Variants in ZNF536 observed in about 807,000 individuals in gnomAD.
The protein encoded by ZNF536 is zinc finger protein 536.
In ZNF536, 13 loss-of-function variants were observed where a neutral mutation model predicts 84.5. That is an observed-to-expected ratio of 0.15 (90% CI 0.10 to 0.24). The LOEUF (loss-of-function observed/expected upper bound fraction) is 0.24. Among genes scored for constraint, ZNF536 ranks in the 10% least tolerant of loss-of-function variants. The probability of loss-of-function intolerance (pLI) is 1.00; values close to 1 mark genes in which losing one functional copy is unlikely to be tolerated. For missense variants in ZNF536, 1,536 were observed against 1,747.5 expected (o/e 0.88, Z 2.16); for synonymous variants, 811 against 742.5 (o/e 1.09, Z -1.50).
chr19:30,439,108 A>C (rs771793473), intron 1 of ZNF536, among the ~76,000 whole-genome samples: 2 of 152,118 alleles, frequency 1.3e-5, no homozygotes, highest in African/African-American at 2.4e-5. Context: ...ACATTTCTAG[A>C]GGGCTATCAG....
At chr19:30,691,522 G>A (rs1354258039) in intron 1 of ZNF536, among the ~76,000 whole-genome samples, 2 of 152,158 alleles carry the variant, frequency 1.3e-5, no homozygotes, top group African/African-American at 4.8e-5. Flanking sequence ...TGTAATTTGG[G>A]AAGGTTGTAT....
chr19:30,709,474 G>T (rs55792963), intron 1 of ZNF536, among the ~76,000 whole-genome samples: 93 of 152,280 alleles, frequency 6.1e-4, no homozygotes, highest in African/African-American at 2.1e-3. Context: ...CAACAATAAA[G>T]AGTCAACGGG....
intron 4 of ZNF536, among the ~76,000 whole-genome samples, chr19:30,550,103 T>C (rs896823798): frequency 4.6e-5 from 7 of 152,232 alleles, no homozygotes; most frequent in Non-Finnish European, 7.3e-5. Flanking sequence ...ACTGTGACTT[T>C]GGCCTTCTGC....
At chr19:30,453,844 C>G (rs1466825090) in intron 2 of ZNF536, among the ~76,000 whole-genome samples, 1 of 152,222 alleles carries the variant, frequency 6.6e-6, no homozygotes, top group Non-Finnish European at 1.5e-5. Context: ...TTGTCCAGGG[C>G]TTAGCTTCTT....
chr19:30,323,018 C>T (rs1483503226), intron 2 of ZNF536, among the ~76,000 whole-genome samples: 2 of 152,194 alleles, frequency 1.3e-5, no homozygotes, highest in Non-Finnish European at 1.5e-5. Flanking sequence ...AGACCCAGTC[C>T]TGAGAAGCAA....
intron 1 of ZNF536, among the ~76,000 whole-genome samples, chr19:30,650,077 T>A (rs1568636254): frequency 6.6e-6 from 1 of 152,220 alleles, no homozygotes. Context: ...AAATGCACCA[T>A]GCTTCATTAC....
chr19:30,622,906 G>A (rs1389939972), intron 1 of ZNF536, among the ~76,000 whole-genome samples: 1 of 149,526 alleles, frequency 6.7e-6, no homozygotes, highest in Admixed American at 6.6e-5. Flanking sequence ...AACCTAGGAA[G>A]CCCCTGCCCC....
chr19:30,630,451 A>C (rs904186772), intron 1 of ZNF536, among the ~76,000 whole-genome samples: 1 of 152,056 alleles, frequency 6.6e-6, no homozygotes, highest in Non-Finnish European at 1.5e-5. Context: ...GCGTGTGTGC[A>C]CACGTCCTGC....
At chr19:30,701,311 AC>A (rs2051951609) in intron 1 of ZNF536, among the ~76,000 whole-genome samples, 1 of 151,800 alleles carries the variant, frequency 6.6e-6, no homozygotes, top group Admixed American at 6.6e-5. Flanking sequence ...ACAAACACAC[AC>A]AGACACACAC....
At chr19:30,322,261 C>A (rs2046882075) in intron 2 of ZNF536, among the ~76,000 whole-genome samples, 2 of 152,140 alleles carry the variant, frequency 1.3e-5, no homozygotes, top group Non-Finnish European at 2.9e-5. Context: ...TATCATAATT[C>A]TTTTATTATT....
In ZNF536 at chr19:30,445,113, C is replaced by T. The variant is rs143692098; in HGVS notation, c.1551C>T (p.Pro517=). The T allele has an allele frequency of 3.1e-6, 5 of 1,613,788 alleles. No individual in the cohort carries two copies. In the Admixed American group the frequency reaches 5.0e-5, roughly 16 times the overall value. The change falls in exon 2 of 5, where the codon CCC becomes CCT. Residue 517 remains proline (P), a synonymous_variant. Coordinates refer to ENST00000355537, the MANE Select transcript of ZNF536 (RefSeq NM_014717.3). This position sits in a 1 kb window ranked among gnomAD's most constrained non-coding sequence, Gnocchi z 4.5. ...CTGCCAAGGCTGCGGAGATGGACCC[C>T]GTGAACAGCTACCAGGCTTGGCAGC... ...QAAAKAAEMD[P]VNSYQAWQLM...
chr19:30,637,296 G>GT lies in ZNF536; in HGVS notation c.170-73460dup, dbSNP rs1315657836. ...AGCCTTTCCACTTTGGCATAGCTGG[G>GT]TATCATGTCCTACTGACACCAAGGG... is the stretch of plus-strand genomic sequence containing the variant. On this transcript the variant is annotated intron_variant, in intron 1 of 1. Coordinates refer to the ZNF536 transcript ENST00000592773. Among the ~76,000 whole-genome samples, 3 of 152,126 alleles carry GT rather than the reference G, an allele frequency of 2.0e-5. No individual in the cohort carries two copies. The East Asian group carries it at 5.8e-4, about 29-fold the overall frequency.
chr19:30,526,054 C>A lies in ZNF536; in HGVS notation c.2171-8793C>A, dbSNP rs538514184. Among the ~76,000 whole-genome samples, 135 of 152,328 alleles carry A rather than the reference C, an allele frequency of 8.9e-4. 1 individual carries two copies. Among genetic ancestry groups the A allele is most frequent in the African/African-American group, 3.2e-3 (131 of 41,570 alleles). ...TCCTGCCTGGGTCTTCTCACCAAGGCCAGGTTCTTAGGTGACCCTGCTCAG... is the reference window on the plus strand; with the variant it reads ...TCCTGCCTGGGTCTTCTCACCAAGGACAGGTTCTTAGGTGACCCTGCTCAG... On this transcript the variant is annotated intron_variant, in intron 2 of 4. Transcript: ENST00000355537.
intron 1 of ZNF536, among the ~76,000 whole-genome samples, chr19:30,234,710 AT>A (rs1156856821): frequency 6.6e-6 from 1 of 151,516 alleles, no homozygotes; most frequent in African/African-American, 2.4e-5. Flanking sequence ...CCTCCTTTAC[AT>A]TTTTTAGGCT....
Position 30,443,561 on chromosome 19 carries a change from G to A in ZNF536, c.-2G>A, listed in dbSNP as rs1326429463. The stretch of plus-strand genomic sequence containing the variant: ...ATCTGAACTCTGCCTCTCTTTTCAG[G>A]GATGGAAGAAGCGAGCCTGTGCCTT... On this transcript the variant is annotated splice_region_variant and 5_prime_UTR_variant, in exon 2 of 5. Coordinates refer to ENST00000355537, the MANE Select transcript of ZNF536 (RefSeq NM_014717.3). 3.3e-5 allele frequency: 51 copies of A among 1,531,610 alleles called. No individual in the cohort carries two copies. The highest frequency in any genetic ancestry group is 4.4e-5 in the Non-Finnish European group (50 of 1,141,874). The allele number at this position is 1,531,610 out of a possible 1,614,324, so 94.9% of individuals were successfully genotyped here.
intron 1 of ZNF536, among the ~76,000 whole-genome samples, chr19:30,391,533 A>G (rs1835988): frequency 0.98 from 148,945 of 152,264 alleles, 72,977 homozygotes; most frequent in Non-Finnish European, 0.99. Flanking sequence ...CTGAGATCGC[A>G]CCATTGCACT....
intron 2 of ZNF536, among the ~76,000 whole-genome samples, chr19:30,289,967 C>A (rs2045779198): frequency 6.6e-6 from 1 of 152,148 alleles, no homozygotes; most frequent in Admixed American, 6.5e-5. Flanking sequence ...CAACTGTCAC[C>A]ACCTCCCATC....
chr19:30,491,039 G>T (rs2054488716), intron 2 of ZNF536, among the ~76,000 whole-genome samples: 1 of 152,096 alleles, frequency 6.6e-6, no homozygotes, highest in Non-Finnish European at 1.5e-5. Context: ...ACTCCAATGA[G>T]AAAGTATTTA....
chr19:30,637,437 T>C (rs1281619129), intron 1 of ZNF536, among the ~76,000 whole-genome samples: 7 of 152,204 alleles, frequency 4.6e-5, no homozygotes, highest in Admixed American at 4.6e-4. Context: ...ACCAACTCTT[T>C]CCAAAGAACT....
Sources: allele counts gnomAD v4.1 joint callset (sites outside exome capture counted in the v4.1 genomes callset), GRCh38; gene constraint gnomAD v4.1.1; non-coding constraint Gnocchi (gnomAD v3.1); transcripts MANE v1.5; gene names NCBI Gene and HGNC (gene_info 2026-07-23, HGNC 2026-07-21).